Variants in PLA2G4B observed in about 807,000 individuals in gnomAD.
The protein encoded by PLA2G4B is cytosolic phospholipase A2 beta.
Under a neutral mutation model 95.8 loss-of-function variants are expected in PLA2G4B, and 122 were observed. That is an observed-to-expected ratio of 1.27 (90% CI 1.10 to 1.48). PLA2G4B has a LOEUF of 1.48. PLA2G4B is among the 40% of genes most tolerant of loss of function. The pLI is 0.00. For missense variants in PLA2G4B, 1,158 were observed against 996.2 expected (o/e 1.16, Z -2.19); for synonymous variants, 518 against 421.5 (o/e 1.23, Z -2.80).
At chr15:41,842,654 G>T (rs1022135722) in intron 10 of PLA2G4B, 63 bp downstream of exon 10, 22 of 1,587,122 alleles carry the variant, frequency 1.4e-5, no homozygotes, top group Non-Finnish European at 1.8e-5. Context: ...GGGGCTGGAG[G>T]AGGCCTGGAG....
rs956822486 is a variant in PLA2G4B, at chr15:41,839,022, G to A, written c.9+100G>A. The A allele has an allele frequency of 1.0e-5, 10 of 1,003,086 alleles. No individual in the cohort carries two copies. In the African/African-American group the frequency reaches 1.5e-4, roughly 15 times the overall value. The allele number at this position is 1,003,086 out of a possible 1,614,324, so 62.1% of individuals were successfully genotyped here. A position where few individuals can be genotyped will look rare whatever the true frequency, so the allele number is the denominator to read the frequency against. On this transcript the variant is annotated intron_variant, in intron 1 of 19. Coordinates refer to ENST00000458483, the MANE Select transcript of PLA2G4B (RefSeq NM_001114633.2). Reference sequence around the variant, plus strand: ...ATGGGAGCTGTGGTCTTCTCCAGGGGTAGGGAGGGGAGTTTATTGACCACA... The same window carrying A: ...ATGGGAGCTGTGGTCTTCTCCAGGGATAGGGAGGGGAGTTTATTGACCACA...
intron 6 of PLA2G4B, 45 bp from the exon 7 acceptor site, chr15:41,841,472 A>T (rs1465551770): frequency 6.2e-7 from 1 of 1,613,574 alleles, no homozygotes; most frequent in East Asian, 2.2e-5. Context: ...GGGTCCCTGA[A>T]TGGGGGGTGG....
chr15:41,840,353 A>G, intron 2 of PLA2G4B, 123 bp downstream of exon 2: 1 of 1,567,008 alleles, frequency 6.4e-7, no homozygotes, highest in East Asian at 2.3e-5. Flanking sequence ...TAGAGGAGGG[A>G]GCTGAGAGGA....
rs755554751 is a variant in PLA2G4B at position 41,840,665 on chromosome 15, GC to G, written c.219+7del. 3.1e-6 allele frequency: 5 copies of G among 1,612,278 alleles called. No homozygotes were observed. In the East Asian group the frequency reaches 1.1e-4, roughly 36 times the overall value. ...AGGATCCACAGGCAGCTCAAGGTGG[GC>G]CAGGCATCAGCGCTGACTCTACCCA... On this transcript the variant is annotated splice_donor_region_variant and intron_variant, in intron 3 of 19. Coordinates refer to ENST00000458483, the MANE Select transcript of PLA2G4B (RefSeq NM_001114633.2).
chr15:41,847,615 G>A (rs367725891), intron 19 of PLA2G4B, 34 bp from the exon 20 acceptor site: 19 of 1,612,820 alleles, frequency 1.2e-5, no homozygotes, highest in East Asian at 2.2e-5. Context: ...TCCCCACAAC[G>A]TGTTCCCCAT....
chr15:41,840,829 T>C lies in PLA2G4B; in HGVS notation c.275T>C (p.Val92Ala). ...DQDLVTGDDPVLSVLFDAGTL... is the reference protein window; with the variant it reads ...DQDLVTGDDPALSVLFDAGTL... ...GACCTGGTGACCGGAGATGACCCTG[T>C]GTTGTCAGTACTGTTTGATGCGGGG... is the stretch of plus-strand genomic sequence containing the variant. Residue 92 changes from valine (V) to alanine (A), a missense_variant, in exon 4 of 20, where the codon GTG becomes GCG. Val to Ala is a moderately conservative substitution (Grantham distance 64, BLOSUM62 0). Coordinates refer to ENST00000458483, the MANE Select transcript of PLA2G4B (RefSeq NM_001114633.2). 1 of 1,614,068 alleles carries C rather than the reference T, an allele frequency of 6.2e-7. No homozygotes were observed. Among genetic ancestry groups the C allele is most frequent in the Admixed American group, 1.7e-5 (1 of 60,016 alleles).
chr15:41,847,758 G>C lies in PLA2G4B; in HGVS notation c.2244G>C (p.Lys748Asn). 6.2e-7 allele frequency: 1 copy of C among 1,613,720 alleles called. No homozygotes were observed. The highest frequency in any genetic ancestry group is 1.3e-5 in the African/African-American group (1 of 75,062). Residue 748 changes from lysine (K) to asparagine (N), a missense_variant, in exon 20 of 20, where the codon AAG (lysine) becomes AAC (asparagine). By Grantham distance (94) the Lys-to-Asn change is moderately conservative (BLOSUM62 0). Transcript: ENST00000458483. ...KVTYSQEDVD[K>N]LLHLTHYNVC... is the part of the protein sequence containing the mutation. ...CCTACAGCCAGGAGGACGTGGACAAGCTGCTGCACCTGACACATTACAATG... is the reference window on the plus strand; with the variant it reads ...CCTACAGCCAGGAGGACGTGGACAACCTGCTGCACCTGACACATTACAATG...
intron 12 of PLA2G4B, 63 bp downstream of exon 12, chr15:41,844,670 C>G: frequency 6.2e-7 from 1 of 1,609,754 alleles, no homozygotes; most frequent in Non-Finnish European, 8.5e-7. Flanking sequence ...CCAGGGTTCT[C>G]CTAGGCCTCT....
At chr15:41,846,873 G>A (rs763916734) in intron 18 of PLA2G4B, 38 bp downstream of exon 18, 1 of 1,580,388 alleles carries the variant, frequency 6.3e-7, no homozygotes, top group Non-Finnish European at 8.6e-7. Flanking sequence ...GAGGCGGTGG[G>A]TGGCCCCTGT....
rs2065565742 is a variant in PLA2G4B, at chr15:41,846,913, T to C, written c.1947+78T>C. The C allele has an allele frequency of 2.0e-6, 3 of 1,476,876 alleles. No individual in the cohort carries two copies. In the African/African-American group the frequency reaches 4.2e-5, roughly 21 times the overall value. The allele number at this position is 1,476,876 out of a possible 1,614,324, so 91.5% of individuals were successfully genotyped here. On this transcript the variant is annotated intron_variant, in intron 18 of 19. Coordinates refer to ENST00000458483, the MANE Select transcript of PLA2G4B (RefSeq NM_001114633.2). ...TGAAGAGAGGGGCTTTGGAGTCCAGTGTCTGGTTCAGCTTCCTTTAGGAGC... is the reference window on the plus strand; with the variant it reads ...TGAAGAGAGGGGCTTTGGAGTCCAGCGTCTGGTTCAGCTTCCTTTAGGAGC...
chr15:41,840,499 G>A (rs372875062), intron 2 of PLA2G4B, 25 bp from the exon 3 acceptor site: 61 of 1,613,014 alleles, frequency 3.8e-5, no homozygotes, highest in Middle Eastern at 1.7e-4. Context: ...CTTGTCCACC[G>A]CTGGGCACTT....
chr15:41,846,649 T>G lies in PLA2G4B; in HGVS notation c.1781-20T>G, dbSNP rs1472934218. The G allele has an allele frequency of 2.5e-6, 4 of 1,587,196 alleles. No individual in the cohort carries two copies. On this transcript the variant is annotated intron_variant, in intron 17 of 19. Transcript: ENST00000458483. Reference sequence around the variant, plus strand: ...TACCCTTGGTATCTGTGACAATTGCTGCTCTCCCCAACCTTCCAGCTACCA... The same window carrying G: ...TACCCTTGGTATCTGTGACAATTGCGGCTCTCCCCAACCTTCCAGCTACCA...
chr15:41,846,014 T>C lies in PLA2G4B; in HGVS notation c.1567T>C (p.Trp523Arg). The C allele has an allele frequency of 1.3e-6, 2 of 1,536,052 alleles. No homozygotes were observed. Among genetic ancestry groups the C allele is most frequent in the Non-Finnish European group, 1.8e-6 (2 of 1,141,904 alleles). ...LYWASEPSQFWDRWVRNQANL... is the reference protein window; with the variant it reads ...LYWASEPSQFRDRWVRNQANL... ...CTGGGCCTCAGAGCCCAGCCAGTTC[T>C]GGGACCGCTGGGTCAGGAACCAGGC... Residue 523 changes from tryptophan to arginine, a missense_variant, in exon 16 of 20, where the codon TGG becomes CGG. By Grantham distance (101) the Trp-to-Arg change is moderately radical. Transcript: ENST00000458483.
At chr15:41,839,648 T>TCC in intron 1 of PLA2G4B, 1 of 158,654 alleles carries the variant, frequency 6.3e-6, no homozygotes, top group East Asian at 1.9e-4. Flanking sequence ...CTACTTCCCC[T>TCC]CCCTCGATAG....
chr15:41,847,032 A>G (rs574371505), intron 18 of PLA2G4B, among the ~76,000 whole-genome samples, 197 bp downstream of exon 18: 14 of 152,140 alleles, frequency 9.2e-5, no homozygotes, highest in African/African-American at 3.1e-4. Flanking sequence ...GGTATCTTGT[A>G]GCTGGGTCCC....
chr15:41,840,119 A>G (rs367983687), intron 1 of PLA2G4B, 39 bp from the exon 2 acceptor site: 94 of 1,604,950 alleles, frequency 5.9e-5, no homozygotes, highest in Non-Finnish European at 7.6e-5. Flanking sequence ...CCTTGGCTTC[A>G]TCGGCCCGTA....
rs1348096027 is a variant in PLA2G4B at position 41,847,969 on chromosome 15, G to A, written c.*109G>A. 10 of 1,398,172 alleles carry A rather than the reference G, an allele frequency of 7.2e-6. No homozygotes were observed. The Admixed American group carries it at 2.2e-4, about 30-fold the overall frequency. The allele number at this position is 1,398,172 out of a possible 1,614,324, so 86.6% of individuals were successfully genotyped here. A position where few individuals can be genotyped will look rare whatever the true frequency, so the allele number is the denominator to read the frequency against. On this transcript the variant is annotated 3_prime_UTR_variant, in exon 20 of 20. Transcript: ENST00000458483. ...CAGAGCCTCGGGCTCAGGTGGCACG[G>A]TCCCAGGGTCCAGGCTGAGGGCTGG...
intron 18 of PLA2G4B, among the ~76,000 whole-genome samples, chr15:41,847,083 C>T (rs1043862243): frequency 6.6e-6 from 1 of 152,198 alleles, no homozygotes; most frequent in African/African-American, 2.4e-5. Flanking sequence ...CCTCTGGGCC[C>T]ACCTGCTGAG....
In PLA2G4B at chr15:41,841,095, T is replaced by G. The variant is rs924047542; in HGVS notation, c.392T>G (p.Leu131Arg). Reference protein sequence around the residue: ...RLEVEFRLQSLADRGEWLVSN... With the variant: ...RLEVEFRLQSRADRGEWLVSN... ...GAAGTTGAATTTCGCCTGCAGAGTC[T>G]GTGAGTCAGGGGCCTGGGGCAGTTT... Residue 131 changes from leucine (L) to arginine (R), a missense_variant and splice_region_variant, in exon 5 of 20, where the codon CTG (leucine) becomes CGG (arginine). Coordinates refer to ENST00000458483, the MANE Select transcript of PLA2G4B (RefSeq NM_001114633.2). 4.4e-6 allele frequency: 7 copies of G among 1,599,282 alleles called. No individual in the cohort carries two copies. The highest frequency in any genetic ancestry group is 6.0e-6 in the Non-Finnish European group (7 of 1,169,918).
Sources: gnomAD v4.1 joint callset for allele counts (sites outside exome capture counted in the v4.1 genomes callset) on GRCh38, gnomAD v4.1.1 for gene constraint, MANE v1.5 for transcripts, NCBI Gene and HGNC (gene_info 2026-07-23, HGNC 2026-07-21) for gene names.